ATP2C2: variants seen among roughly 807,000 people sequenced by gnomAD.
ATP2C2 encodes calcium-transporting ATPase type 2C member 2.
In ATP2C2, 171 loss-of-function variants were observed where a neutral mutation model predicts 110.8. The observed-to-expected ratio is 1.54, with a 90% confidence interval of 1.36 to 1.75. The LOEUF is 1.75. Ranked by LOEUF, ATP2C2 falls within the 40% of genes most tolerant of loss-of-function variation. The pLI is 0.00. For missense variants in ATP2C2, 1,963 were observed against 1,235.0 expected, an observed-to-expected ratio of 1.59 and a Z score of -8.84; for synonymous variants, 804 against 508.4, an observed-to-expected ratio of 1.58 and a Z score of -7.82.
chr16:84,387,227 A>G (rs927837975), intron 1 of ATP2C2, among the ~76,000 whole-genome samples: 2 of 152,222 alleles, frequency 1.3e-5, no homozygotes, highest in Non-Finnish European at 2.9e-5. Context: ...GTCCTATATA[A>G]AAGCCCAAAC....
At chr16:84,419,515 G>C (rs1907140264) in intron 7 of ATP2C2, among the ~76,000 whole-genome samples, 1 of 152,134 alleles carries the variant, frequency 6.6e-6, no homozygotes, top group Non-Finnish European at 1.5e-5. Context: ...CATAGTCTCT[G>C]TCACCACATC....
At position 84,460,697 on chromosome 16, in the gene ATP2C2, C is replaced by T. The variant is rs747036576; in HGVS notation, c.2377C>T (p.Pro793Ser). The stretch of plus-strand genomic sequence containing the variant: ...TGACAAAGACGCCTTCAGGCAGCCA[C>T]CACGGAGTGTGCGGGACACCATCCT... ...PVDKDAFRQP[P>S]RSVRDTILSR... Residue 793 changes from proline to serine, a missense_variant, in exon 24 of 27, where the codon CCA (proline) becomes TCA (serine). By Grantham distance (74) the Pro-to-Ser change is moderately conservative (BLOSUM62 -1). Coordinates refer to ENST00000262429, the MANE Select transcript of ATP2C2 (RefSeq NM_014861.4). 1.2e-6 allele frequency: 2 copies of T among 1,614,240 alleles called. No homozygotes were observed. Among genetic ancestry groups the T allele is most frequent in the Non-Finnish European group, 1.7e-6 (2 of 1,180,048 alleles).
In ATP2C2 at chr16:84,459,199, G is replaced by A. The variant is rs1414203496; in HGVS notation, c.2216+11G>A. 12 of 1,614,108 alleles carry A rather than the reference G, an allele frequency of 7.4e-6. No homozygotes were observed. The highest frequency in any genetic ancestry group is 2.2e-5 in the East Asian group (1 of 44,892). On this transcript the variant is annotated intron_variant, in intron 22 of 26. Transcript: ENST00000262429. ...ATTCCAGCTGAGCACGTAAGTAGAG[G>A]CCAGCATTCCGAGTGTCATTAAGCA... is the stretch of plus-strand genomic sequence containing the variant.
chr16:84,415,031 G>A, intron 6 of ATP2C2, among the ~76,000 whole-genome samples: 1 of 152,138 alleles, frequency 6.6e-6, no homozygotes, highest in Non-Finnish European at 1.5e-5. Flanking sequence ...TAGTCTGAGG[G>A]CAGCTGGTCA....
chr16:84,368,781 C>G (rs770332538), intron 1 of ATP2C2, 67 bp downstream of exon 1: 1 of 1,307,454 alleles, frequency 7.6e-7, no homozygotes, highest in Non-Finnish European at 1.0e-6. Flanking sequence ...GTAACCGTCC[C>G]CGGCCCGAGA....
intron 1 of ATP2C2, among the ~76,000 whole-genome samples, chr16:84,379,310 G>A (rs1269654958): frequency 2.6e-5 from 4 of 152,114 alleles, no homozygotes; most frequent in African/African-American, 9.7e-5. Flanking sequence ...CCGAATAGCT[G>A]GGAATACAAG....
chr16:84,445,814 C>G (rs998892150), intron 15 of ATP2C2, among the ~76,000 whole-genome samples: 3 of 152,222 alleles, frequency 2.0e-5, no homozygotes, highest in Admixed American at 6.5e-5. Flanking sequence ...ATTTTCACCC[C>G]CTGTGGGACA....
chr16:84,453,157 C>T lies in ATP2C2; in HGVS notation c.1851C>T (p.Cys617=), dbSNP rs778868894. 5 of 1,613,144 alleles carry T rather than the reference C, an allele frequency of 3.1e-6. No individual in the cohort carries two copies. In the African/African-American group the frequency reaches 4.0e-5, roughly 13 times the overall value. ...ALAIGRNIGL[C]NGKLQAMSGE... is the part of the protein sequence containing the mutation. ...CTGAAGGAAGAAACATCGGCCTGTG[C>T]AACGGGAAGCTGCAAGCCATGTCCG... is the stretch of plus-strand genomic sequence containing the variant. Residue 617 remains cysteine (C), a synonymous_variant, in exon 19 of 27, where the codon TGC becomes TGT. Transcript: ENST00000262429.
intron 1 of ATP2C2, among the ~76,000 whole-genome samples, chr16:84,389,373 C>A (rs747910253): frequency 1.3e-5 from 2 of 152,202 alleles, no homozygotes; most frequent in Non-Finnish European, 1.5e-5. Context: ...CCCAGGAGGG[C>A]GTGACCACCA....
chr16:84,455,159 T>A (rs1910682552), intron 21 of ATP2C2, among the ~76,000 whole-genome samples, 175 bp downstream of exon 21: 1 of 151,870 alleles, frequency 6.6e-6, no homozygotes, highest in East Asian at 1.9e-4. Flanking sequence ...ACCAACAGCC[T>A]CTCATAGCAG....
chr16:84,436,157 T>C (rs571770898), intron 11 of ATP2C2, among the ~76,000 whole-genome samples: 1 of 152,360 alleles, frequency 6.6e-6, no homozygotes, highest in East Asian at 1.9e-4. Context: ...TTGTGTGATA[T>C]AGCCAGAAAA....
chr16:84,402,199 T>A (rs537354752), intron 2 of ATP2C2, among the ~76,000 whole-genome samples: 1 of 151,528 alleles, frequency 6.6e-6, no homozygotes, highest in Non-Finnish European at 1.5e-5. Context: ...TGATTTTGTT[T>A]ATGAGTTCTA....
intron 17 of ATP2C2, among the ~76,000 whole-genome samples, chr16:84,450,517 G>T (rs539112030): frequency 6.6e-6 from 1 of 152,100 alleles, no homozygotes; most frequent in Non-Finnish European, 1.5e-5. Flanking sequence ...AGCGCTACTA[G>T]GTGGCCACTA....
intron 2 of ATP2C2, among the ~76,000 whole-genome samples, chr16:84,399,307 A>G (rs747709233): frequency 4.6e-5 from 7 of 152,202 alleles, no homozygotes; most frequent in South Asian, 2.1e-4. Flanking sequence ...AGTCCTGTGT[A>G]TTAGTATTTG....
chr16:84,384,364 A>G (rs1158385278), intron 1 of ATP2C2, among the ~76,000 whole-genome samples: 7 of 151,880 alleles, frequency 4.6e-5, no homozygotes, highest in Non-Finnish European at 8.8e-5. Context: ...TCTTGATTTG[A>G]GTTTGTCTAA....
intron 13 of ATP2C2, 95 bp downstream of exon 13, chr16:84,439,619 A>C (rs1909064841): frequency 4.2e-6 from 5 of 1,200,288 alleles, no homozygotes; most frequent in Non-Finnish European, 6.1e-6. Flanking sequence ...GAACACAATA[A>C]GGAAGAAATA....
At chr16:84,448,802 C>T in intron 17 of ATP2C2, 113 bp downstream of exon 17, 4 of 1,391,466 alleles carry the variant, frequency 2.9e-6, no homozygotes, top group Non-Finnish European at 3.9e-6. Flanking sequence ...AGGAGTCAGG[C>T]AGCATGCTGA....
intron 1 of ATP2C2, among the ~76,000 whole-genome samples, chr16:84,377,118 C>T (rs895715673): frequency 1.1e-4 from 16 of 151,990 alleles, no homozygotes; most frequent in Admixed American, 5.9e-4. Flanking sequence ...TAGTGGAAGC[C>T]GTGTGCTAAG....
At position 84,459,117 on chromosome 16, in the gene ATP2C2, C is replaced by T. The variant is rs779928270; in HGVS notation, c.2148-3C>T. On this transcript the variant is annotated splice_polypyrimidine_tract_variant and splice_region_variant and intron_variant, in intron 21 of 26. Transcript: ENST00000262429. ...GTGAGTAAATGGCTCTCTTCTCTTG[C>T]AGGAATGCAGTGGAGGAAGGCAAGG... 1.9e-6 allele frequency: 3 copies of T among 1,613,990 alleles called. No homozygotes were observed. Among genetic ancestry groups the T allele is most frequent in the South Asian group, 1.1e-5 (1 of 91,090 alleles).
Sources: allele counts gnomAD v4.1 joint callset (sites outside exome capture counted in the v4.1 genomes callset), GRCh38; gene constraint gnomAD v4.1.1; transcripts MANE v1.5; gene names NCBI Gene and HGNC (gene_info 2026-07-23, HGNC 2026-07-21).